The following ACADVL variants were observed in gnomAD, a reference collection of about 807,000 sequenced individuals.
ACADVL encodes the protein very long-chain acyl-CoA dehydrogenase, mitochondrial.
Under a neutral mutation model 80.4 loss-of-function variants are expected in ACADVL, and 73 were observed. The observed-to-expected ratio is 0.91, with a 90% CI of 0.75 to 1.10. ACADVL has a LOEUF of 1.10. ACADVL is among the 50% of genes least tolerant of loss of function. The pLI, the probability that ACADVL is intolerant of heterozygous loss-of-function variation, is 0.00. For missense variants in ACADVL, 878 were observed against 858.9 expected (o/e 1.02, Z -0.28); for synonymous variants, 392 against 326.5 (o/e 1.20, Z -2.16).
At chr17:7,221,321 G>C in intron 6 of ACADVL, 1 of 932,418 alleles carries the variant, frequency 1.1e-6, no homozygotes, top group African/African-American at 1.6e-5. Context: ...CTAGTAGCAA[G>C]TCACCCTCCT....
chr17:7,218,973 C>G, upstream of ACADVL: 1 of 1,047,432 alleles, frequency 9.5e-7, no homozygotes, highest in Non-Finnish European at 1.4e-6. Flanking sequence ...TCCCATTCCC[C>G]CAGGTCCCAA....
At chr17:7,219,548 C>T, upstream of ACADVL, 1 of 1,102,098 alleles carries the variant, frequency 9.1e-7, no homozygotes, top group Non-Finnish European at 1.1e-6. Flanking sequence ...TCATCAGGAA[C>T]CCTAGAGTCT....
rs569555815 is a variant in ACADVL, at chr17:7,222,909, T to C, written c.1077+44T>C. 6.9e-6 allele frequency: 11 copies of C among 1,600,478 alleles called. No individual in the cohort carries two copies. In the South Asian group the frequency reaches 9.9e-5, roughly 14 times the overall value. On this transcript the variant is annotated intron_variant, in intron 10 of 19. Transcript: ENST00000356839. ...TCCCTAGGTAACCCAAACAGAAGTCTCACTGTCCCCCTTGCCATGTGTCCC... is the reference window on the plus strand; with the variant it reads ...TCCCTAGGTAACCCAAACAGAAGTCCCACTGTCCCCCTTGCCATGTGTCCC...
In ACADVL at chr17:7,223,682, A is replaced by G. The variant is rs777657852; in HGVS notation, c.1221A>G (p.Gly407=). Residue 407 remains glycine (G), a synonymous_variant, in exon 12 of 20, where the codon GGA becomes GGG. Coordinates refer to ENST00000356839, the MANE Select transcript of ACADVL (RefSeq NM_000018.4). The stretch of plus-strand genomic sequence containing the variant: ...TGGTGAGTGCTAACATGGACCAGGG[A>G]GCCACGGACTTCCAGATAGAGGCCG... ...AYMVSANMDQ[G]ATDFQIEAAI... 6.2e-7 allele frequency: 1 copy of G among 1,614,082 alleles called. No individual in the cohort carries two copies. The highest frequency in any genetic ancestry group is 1.3e-5 in the African/African-American group (1 of 74,996).
intron 9 of ACADVL, 140 bp downstream of exon 9, chr17:7,222,442 T>A (rs961009027): frequency 3.7e-6 from 5 of 1,340,904 alleles, no homozygotes; most frequent in Non-Finnish European, 5.1e-6. Flanking sequence ...GACTAATATG[T>A]ATGCAACTGA....
intron 2 of ACADVL, 37 bp from the exon 3 acceptor site, chr17:7,220,427 T>G (rs752537465): frequency 6.2e-7 from 1 of 1,612,996 alleles, no homozygotes; most frequent in South Asian, 1.1e-5. Context: ...ACAGCGGAAG[T>G]CCCTTCCCTG....
At chr17:7,222,625 C>A in intron 9 of ACADVL, 42 bp from the exon 10 acceptor site, 1 of 1,565,758 alleles carries the variant, frequency 6.4e-7, no homozygotes, top group South Asian at 1.1e-5. Flanking sequence ...CAGTGACAAC[C>A]TGTTGAACAC....
In ACADVL at chr17:7,224,313, C is replaced by A; in HGVS notation, c.1533-8C>A. On this transcript the variant is annotated splice_polypyrimidine_tract_variant and splice_region_variant and intron_variant, in intron 15 of 19. Transcript: ENST00000356839. ...CAACTAACCAGTCATTCTCCCTCTT[C>A]CTCTCAGGCGGGCAGGGCTGGGCAG... The A allele has an allele frequency of 6.2e-7, 1 of 1,613,826 alleles. No homozygotes were observed. The highest frequency in any genetic ancestry group is 8.5e-7 in the Non-Finnish European group (1 of 1,180,016).
upstream of ACADVL, chr17:7,219,017 C>T (rs935238511): frequency 1.4e-6 from 1 of 693,886 alleles, no homozygotes; most frequent in Non-Finnish European, 2.5e-6. Flanking sequence ...GCTCCACACA[C>T]CCTGGCCCCC....
intron 2 of ACADVL, 52 bp from the exon 3 acceptor site, chr17:7,220,412 T>G: frequency 6.2e-7 from 1 of 1,611,656 alleles, no homozygotes; most frequent in Middle Eastern, 1.7e-4. Flanking sequence ...TGTTCTCCCC[T>G]TGACACAGCG....
Position 7,225,244 on chromosome 17 carries a change from T to A in ACADVL, c.*147T>A. ...TCAAGAGCACTTACTGCCTCGCAAA[T>A]AATAAAAATTTCTAGCCAGTCATGC... is the stretch of plus-strand genomic sequence containing the variant. On this transcript the variant is annotated 3_prime_UTR_variant, in exon 20 of 20. Transcript: ENST00000356839. 1 of 1,089,702 alleles carries A rather than the reference T, an allele frequency of 9.2e-7. No homozygotes were observed. The highest frequency in any genetic ancestry group is 1.3e-6 in the Non-Finnish European group (1 of 753,594). 67.5% of individuals were successfully genotyped at this position (1,089,702 alleles called of 1,614,324 possible).
In ACADVL at chr17:7,221,746, G is replaced by A; in HGVS notation, c.622+64G>A. ...ACTGGGCTTGGCACAGATTAGGCCAGTTGGCACTTAGATTATCAGATGGCT... is the reference window on the plus strand; with the variant it reads ...ACTGGGCTTGGCACAGATTAGGCCAATTGGCACTTAGATTATCAGATGGCT... On this transcript the variant is annotated intron_variant, in intron 7 of 19. Coordinates refer to ENST00000356839, the MANE Select transcript of ACADVL (RefSeq NM_000018.4). 4.3e-6 allele frequency: 7 copies of A among 1,610,808 alleles called. No individual in the cohort carries two copies. The South Asian group carries it at 4.4e-5, about 10-fold the overall frequency.
At chr17:7,217,434 GC>G, upstream of ACADVL, 1 of 227,472 alleles carries the variant, frequency 4.4e-6, no homozygotes, top group Non-Finnish European at 7.3e-6. Context: ...GGGGCTGGCA[GC>G]CCCGGAGTTC....
chr17:7,219,479 C>T (rs1225247537), upstream of ACADVL: 3 of 1,041,284 alleles, frequency 2.9e-6, no homozygotes, highest in East Asian at 1.8e-4. Context: ...GGTACTCACA[C>T]CCTAGCTTGG....
At chr17:7,219,937 C>CGTGCAGGACGCT, upstream of ACADVL, 1 of 667,644 alleles carries the variant, frequency 1.5e-6, no homozygotes, top group Non-Finnish European at 2.3e-6. Context: ...TGCAGGACGC[C>CGTGCAGGACGCT]AGAGCTGGGT....
Position 7,224,044 on chromosome 17 carries a change from T to A in ACADVL, c.1409T>A (p.Leu470Gln). The A allele has an allele frequency of 6.2e-7, 1 of 1,614,124 alleles. No individual in the cohort carries two copies. The highest frequency in any genetic ancestry group is 8.5e-7 in the Non-Finnish European group (1 of 1,180,026). Residue 470 changes from leucine to glutamine, a missense_variant, in exon 14 of 20, where the codon CTG becomes CAG. Coordinates refer to ENST00000356839, the MANE Select transcript of ACADVL (RefSeq NM_000018.4). ...GAGGGGACAAATGACATTCTTCGGCTGTTTGTGGCTCTGCAGGGCTGTATG... is the reference window on the plus strand; with the variant it reads ...GAGGGGACAAATGACATTCTTCGGCAGTTTGTGGCTCTGCAGGGCTGTATG... ...IFEGTNDILR[L>Q]FVALQGCMDK...
rs2071196048 is a variant in ACADVL, at chr17:7,221,168, CCCTGGGTGCCTGT to C, written c.477+111_477+123del. On this transcript the variant is annotated intron_variant, in intron 6 of 19. Coordinates refer to ENST00000356839, the MANE Select transcript of ACADVL (RefSeq NM_000018.4). ...GGCTAAGGTCTCTTCTAAGCACCTGCCCTGGGTGCCTGTGGGATGGATGTTAACTGTCCAAACA... is the reference window on the plus strand; with the variant it reads ...GGCTAAGGTCTCTTCTAAGCACCTGCGGGATGGATGTTAACTGTCCAAACA... The C allele has an allele frequency of 5.8e-6, 9 of 1,546,130 alleles. No homozygotes were observed. In the South Asian group the frequency reaches 1.0e-4, roughly 17 times the overall value.
chr17:7,218,507 G>C, upstream of ACADVL: 1 of 1,546,830 alleles, frequency 6.5e-7, no homozygotes, highest in African/African-American at 1.4e-5. Context: ...ATGGCCCTTG[G>C]AGGCCCAGGT....
At chr17:7,222,129 C>A in intron 8 of ACADVL, 48 bp downstream of exon 8, 1 of 1,614,184 alleles carries the variant, frequency 6.2e-7, no homozygotes, top group Non-Finnish European at 8.5e-7. Context: ...AATTCCAGGC[C>A]CCACTGCTCC....
Sources: allele counts gnomAD v4.1 joint callset, GRCh38; gene constraint gnomAD v4.1.1; transcripts MANE v1.5; gene names NCBI Gene and HGNC (gene_info 2026-07-23, HGNC 2026-07-21).